PANX1: variants seen among roughly 807,000 people sequenced by gnomAD.
PANX1 encodes pannexin-1.
Under a neutral mutation model 38.7 loss-of-function variants are expected in PANX1, and 30 were observed. The observed-to-expected ratio is 0.78, with a 90% CI of 0.58 to 1.05. The LOEUF is 1.05. Among genes scored for constraint, PANX1 ranks in the 50% least tolerant of loss-of-function variants. The probability of loss-of-function intolerance (pLI) is 0.00; values close to 1 mark genes in which losing one functional copy is unlikely to be tolerated. For synonymous variants in PANX1, 230 were observed against 212.2 expected (o/e 1.08, Z -0.73); for missense variants, 551 against 517.2 (o/e 1.07, Z -0.63).
At chr11:94,153,746 A>G (rs973978258) in intron 2 of PANX1, 116 bp downstream of exon 2, 21 of 954,866 alleles carry the variant, frequency 2.2e-5, no homozygotes, top group Non-Finnish European at 3.0e-5. Context: ...GCTGTATCTC[A>G]GATTGTAAAA....
At chr11:94,149,852 C>T (rs1229772311) in intron 1 of PANX1, among the ~76,000 whole-genome samples, 4 of 152,142 alleles carry the variant, frequency 2.6e-5, no homozygotes, top group Non-Finnish European at 4.4e-5. Flanking sequence ...TATGATAGTA[C>T]TTTGAAACTT....
At position 94,178,519 on chromosome 11, in the gene PANX1, A is replaced by G. The variant is rs145987256; in HGVS notation, c.472A>G (p.Lys158Glu). 1 of 1,614,084 alleles carries G rather than the reference A, an allele frequency of 6.2e-7. No individual in the cohort carries two copies. The highest frequency in any genetic ancestry group is 1.3e-5 in the African/African-American group (1 of 75,036). Reference protein sequence around the residue: ...KVYNRAIKAAKSARDLDMRDG... With the variant: ...KVYNRAIKAAESARDLDMRDG... ...TTACAACCGTGCAATTAAGGCTGCAAAGAGTGCGCGTGACCTTGACATGAG... is the reference window on the plus strand; with the variant it reads ...TTACAACCGTGCAATTAAGGCTGCAGAGAGTGCGCGTGACCTTGACATGAG... The change falls in exon 3 of 5, where the codon AAG (lysine) becomes GAG (glutamate). Residue 158 changes from lysine to glutamate, a missense_variant. By Grantham distance (56) the Lys-to-Glu change is moderately conservative (BLOSUM62 1). Coordinates refer to ENST00000227638, the MANE Select transcript of PANX1 (RefSeq NM_015368.4).
At chr11:94,133,462 A>T (rs893200983) in intron 1 of PANX1, among the ~76,000 whole-genome samples, 1 of 152,066 alleles carries the variant, frequency 6.6e-6, no homozygotes, top group African/African-American at 2.4e-5. Context: ...GTGCCCTGTG[A>T]TAGTGAGAAT....
chr11:94,169,800 AGCACCTTGATTTT>A (rs1947143894), intron 2 of PANX1, among the ~76,000 whole-genome samples: 1 of 151,752 alleles, frequency 6.6e-6, no homozygotes, highest in East Asian at 1.9e-4. Flanking sequence ...TGGCCCTGCT[AGCACCTTGATTTT>A]GAACTCCTCA....
At chr11:94,136,042 T>C (rs1306743280) in intron 1 of PANX1, among the ~76,000 whole-genome samples, 2 of 152,318 alleles carry the variant, frequency 1.3e-5, no homozygotes, top group Admixed American at 1.3e-4. Flanking sequence ...TACTCACACA[T>C]AAAGCTTGTT....
chr11:94,139,179 T>G (rs1946733298), intron 1 of PANX1, among the ~76,000 whole-genome samples: 1 of 152,202 alleles, frequency 6.6e-6, no homozygotes, highest in African/African-American at 2.4e-5. Context: ...GACCATCCAT[T>G]TTGTCACTGC....
Position 94,152,288 on chromosome 11 carries a change from T to A in PANX1, c.182-1203T>A, listed in dbSNP as rs538952235. Among the ~76,000 whole-genome samples the A allele has an allele frequency of 7.2e-5, 11 of 152,386 alleles. No individual in the cohort carries two copies. In the South Asian group the frequency reaches 8.3e-4, roughly 11 times the overall value. On this transcript the variant is annotated intron_variant, in intron 1 of 4. Coordinates refer to ENST00000227638, the MANE Select transcript of PANX1 (RefSeq NM_015368.4). Reference sequence around the variant, plus strand: ...GTTTTTTGTTTTTTGTGTGTTTTTTTAATTTTTGTATTCACCACAACAAAT... The same window carrying A: ...GTTTTTTGTTTTTTGTGTGTTTTTTAAATTTTTGTATTCACCACAACAAAT...
intron 1 of PANX1, among the ~76,000 whole-genome samples, chr11:94,132,919 C>G (rs1190952196): frequency 6.6e-6 from 1 of 152,096 alleles, no homozygotes; most frequent in Non-Finnish European, 1.5e-5. Context: ...AGAGCAGGTT[C>G]TCTGTGGGGG....
At chr11:94,145,867 A>G (rs370580332) in intron 1 of PANX1, among the ~76,000 whole-genome samples, 1 of 152,380 alleles carries the variant, frequency 6.6e-6, no homozygotes, top group African/African-American at 2.4e-5. Flanking sequence ...GGGGAAGATG[A>G]AGAAGAACCC....
intron 2 of PANX1, among the ~76,000 whole-genome samples, chr11:94,156,906 G>T (rs1946955233): frequency 6.6e-6 from 1 of 151,440 alleles, no homozygotes; most frequent in Admixed American, 6.6e-5. Context: ...GCCCCAGTGT[G>T]TGATGTTCCC....
Position 94,129,458 on chromosome 11 carries a change from T to C in PANX1, c.146T>C (p.Leu49Pro). 6.2e-7 allele frequency: 1 copy of C among 1,613,258 alleles called. No individual in the cohort carries two copies. The highest frequency in any genetic ancestry group is 1.1e-5 in the South Asian group (1 of 90,976). Residue 49 changes from leucine (L) to proline (P), a missense_variant, in exon 1 of 5, where the codon CTC becomes CCC. Transcript: ENST00000227638. Reference sequence around the variant, plus strand: ...ATTGCGGTGGGGCTGCCCCTGCTGCTCATCTCGCTGGCCTTCGCGCAGGAG... The same window carrying C: ...ATTGCGGTGGGGCTGCCCCTGCTGCCCATCTCGCTGGCCTTCGCGCAGGAG... The part of the protein sequence containing the change: ...TCIAVGLPLL[L>P]ISLAFAQEIS...
At chr11:94,148,366 A>G (rs1351613205) in intron 1 of PANX1, among the ~76,000 whole-genome samples, 3 of 152,242 alleles carry the variant, frequency 2.0e-5, no homozygotes, top group Admixed American at 1.3e-4. Flanking sequence ...GAGAACTATA[A>G]GTATTGGGCA....
intron 1 of PANX1, among the ~76,000 whole-genome samples, chr11:94,137,626 A>G (rs1946710117): frequency 6.9e-6 from 1 of 145,086 alleles, no homozygotes; most frequent in Admixed American, 7.0e-5. Context: ...CCTAAAGAGA[A>G]TCTACCATCT....
chr11:94,139,007 G>C (rs908146431), intron 1 of PANX1, among the ~76,000 whole-genome samples: 4 of 152,126 alleles, frequency 2.6e-5, no homozygotes, highest in African/African-American at 9.7e-5. Context: ...TATAAGTCAA[G>C]ACTCTAGCTG....
At position 94,180,998 on chromosome 11, in the gene PANX1, T is replaced by C; in HGVS notation, c.*129T>C. 1.5e-6 allele frequency: 1 copy of C among 646,530 alleles called. No homozygotes were observed. The highest frequency in any genetic ancestry group is 2.6e-5 in the Admixed American group (1 of 39,028). The allele number at this position is 646,530 out of a possible 1,614,324, so 40.0% of individuals were successfully genotyped here. On this transcript the variant is annotated 3_prime_UTR_variant, in exon 5 of 5. Coordinates refer to ENST00000227638, the MANE Select transcript of PANX1 (RefSeq NM_015368.4). ...CTTGGTGGAGATACTGAGCATGTCT[T>C]ATTGAGTCCCTAATGGAAATGGTGA...
chr11:94,180,387 A>G, intron 4 of PANX1, 130 bp downstream of exon 4: 1 of 753,768 alleles, frequency 1.3e-6, no homozygotes, highest in Non-Finnish European at 2.1e-6. Flanking sequence ...CCTTAATACC[A>G]AGGTGCGGGG....
At chr11:94,170,670 C>T (rs993428807) in intron 2 of PANX1, among the ~76,000 whole-genome samples, 16 of 151,756 alleles carry the variant, frequency 1.1e-4, no homozygotes, top group Admixed American at 9.2e-4. Context: ...ATTCAGGCTC[C>T]GAGGGCCAGA....
intron 2 of PANX1, among the ~76,000 whole-genome samples, chr11:94,158,345 G>C (rs1946980351): frequency 6.6e-6 from 1 of 152,100 alleles, no homozygotes; most frequent in Non-Finnish European, 1.5e-5. Context: ...GGGCAGTATG[G>C]CCATTTTCAT....
chr11:94,157,423 G>T (rs559598441), intron 2 of PANX1, among the ~76,000 whole-genome samples: 1 of 151,902 alleles, frequency 6.6e-6, no homozygotes, highest in African/African-American at 2.4e-5. Flanking sequence ...TTTAATGATC[G>T]CCATTCTAAC....
Sources: allele counts gnomAD v4.1 joint callset (sites outside exome capture counted in the v4.1 genomes callset), GRCh38; gene constraint gnomAD v4.1.1; transcripts MANE v1.5; gene names NCBI Gene and HGNC (gene_info 2026-07-23, HGNC 2026-07-21).